Variants in FOCAD observed in about 807,000 individuals in gnomAD.
FOCAD encodes KIAA1797.
In FOCAD, 198 loss-of-function variants were observed where a neutral mutation model predicts 225.6. The ratio of observed to expected loss-of-function variants is 0.88; its 90% CI spans 0.78 to 0.99. FOCAD has a LOEUF of 0.99. Ranked by LOEUF, FOCAD falls within the 50% of genes least tolerant of loss-of-function variation. The pLI is 0.00. For missense variants in FOCAD, 2,713 were observed against 2,123.6 expected (o/e 1.28, Z -5.46); for synonymous variants, 897 against 755.0 (o/e 1.19, Z -3.08).
chr9:20,955,158 G>A (rs757938964), intron 35 of FOCAD, among the ~76,000 whole-genome samples: 17 of 152,160 alleles, frequency 1.1e-4, no homozygotes, highest in Non-Finnish European at 2.4e-4. Flanking sequence ...GCTTAGCATA[G>A]GCAGAAAAGT....
rs901404898 is a variant in FOCAD, at chr9:20,964,281, C to T, written c.4132+11216C>T. 2.6e-5 allele frequency among the ~76,000 whole-genome samples: 4 copies of T among 152,152 alleles called. No individual in the cohort carries two copies. In the South Asian group the frequency reaches 8.3e-4, roughly 32 times the overall value. Reference sequence around the variant, plus strand: ...ACTCAGGAGGCTGAGGCAGGAGAATCGCTTGAGCCTGGGTGGCGGAGTGAG... The same window carrying T: ...ACTCAGGAGGCTGAGGCAGGAGAATTGCTTGAGCCTGGGTGGCGGAGTGAG... On this transcript the variant is annotated intron_variant, in intron 35 of 43. Coordinates refer to ENST00000338382, the MANE Select transcript of FOCAD (RefSeq NM_001375567.1).
intron 25 of FOCAD, among the ~76,000 whole-genome samples, chr9:20,924,809 C>A (rs1834788372): frequency 6.6e-6 from 1 of 152,106 alleles, no homozygotes; most frequent in South Asian, 2.1e-4. Flanking sequence ...GTTGGGTAGT[C>A]CAGGCAACAG....
At chr9:20,682,457 A>G (rs1420290769), upstream of FOCAD, among the ~76,000 whole-genome samples, 1 of 152,214 alleles carries the variant, frequency 6.6e-6, no homozygotes, top group African/African-American at 2.4e-5. Context: ...GCTGTACTTC[A>G]GGTTCCTTAT....
chr9:20,770,184 T>C lies in FOCAD; in HGVS notation c.852T>C (p.Gly284=). 2 of 1,614,068 alleles carry C rather than the reference T, an allele frequency of 1.2e-6. No homozygotes were observed. The highest frequency in any genetic ancestry group is 8.5e-7 in the Non-Finnish European group (1 of 1,179,994). Residue 284 remains glycine (G), a synonymous_variant, in exon 8 of 44, where the codon GGT becomes GGC. Coordinates refer to ENST00000338382, the MANE Select transcript of FOCAD (RefSeq NM_001375567.1). ...CVSEVSLKIT[G]ECSSSIHLLE... is the part of the protein sequence containing the mutation. ...GTGAAGTCAGCTTAAAGATAACTGG[T>C]GAATGTTCATCTTCAATTCACCTTT... is the stretch of plus-strand genomic sequence containing the variant.
intron 11 of FOCAD, among the ~76,000 whole-genome samples, chr9:20,812,621 G>A (rs1823212121): frequency 6.6e-6 from 1 of 151,952 alleles, no homozygotes; most frequent in Non-Finnish European, 1.5e-5. Context: ...AATTTATGGG[G>A]TGAAGACTTG....
rs2131371095 is a variant in FOCAD, at chr9:20,814,351, T to C, written c.1456-5445T>C. ...TTCATCACTCATTTTCTTTTCTTTTTTCTTTTTTTCTTTTTTTTTTCTGAG... is the reference window on the plus strand; with the variant it reads ...TTCATCACTCATTTTCTTTTCTTTTCTCTTTTTTTCTTTTTTTTTTCTGAG... On this transcript the variant is annotated intron_variant, in intron 11 of 43. Coordinates refer to ENST00000338382, the MANE Select transcript of FOCAD (RefSeq NM_001375567.1). Among the ~76,000 whole-genome samples the C allele has an allele frequency of 1.3e-5, 2 of 152,166 alleles. 1 individual carries two copies. Among genetic ancestry groups the C allele is most frequent in the South Asian group, 4.1e-4 (2 of 4,822 alleles).
At chr9:20,776,040 C>A (rs77902656) in intron 8 of FOCAD, among the ~76,000 whole-genome samples, 1 of 152,014 alleles carries the variant, frequency 6.6e-6, no homozygotes, top group Non-Finnish European at 1.5e-5. Flanking sequence ...ACAATGTGAT[C>A]CCAGCAAGCA....
intron 8 of FOCAD, among the ~76,000 whole-genome samples, chr9:20,774,132 G>A (rs578111342): frequency 4.6e-5 from 7 of 152,226 alleles, no homozygotes; most frequent in Admixed American, 2.0e-4. Context: ...GTTTCATCCC[G>A]AAACCATTCC....
intron 35 of FOCAD, among the ~76,000 whole-genome samples, chr9:20,972,058 G>A (rs892956858): frequency 1.3e-5 from 2 of 152,076 alleles, no homozygotes; most frequent in African/African-American, 4.8e-5. Context: ...CTATGAACAT[G>A]GGTTTGCAAG....
At chr9:20,719,467 G>T (rs878879133) in intron 3 of FOCAD, among the ~76,000 whole-genome samples, 4 of 151,662 alleles carry the variant, frequency 2.6e-5, no homozygotes, top group Non-Finnish European at 5.9e-5. Flanking sequence ...CTAATAAGTT[G>T]CATCAGGAAA....
intron 15 of FOCAD, among the ~76,000 whole-genome samples, chr9:20,854,643 A>G (rs1827987139): frequency 1.3e-5 from 2 of 151,772 alleles, no homozygotes; most frequent in Admixed American, 1.3e-4. Flanking sequence ...TTGCGGAAGA[A>G]TGACATGGGA....
chr9:20,927,451 A>G lies in FOCAD; in HGVS notation c.3078+1034A>G, dbSNP rs189321718. Reference sequence around the variant, plus strand: ...CCAACTTTCTAAAAAGATTGTGAAGATCAAATAATATACTTTATGTAAAAA... The same window carrying G: ...CCAACTTTCTAAAAAGATTGTGAAGGTCAAATAATATACTTTATGTAAAAA... On this transcript the variant is annotated intron_variant, in intron 26 of 43. Transcript: ENST00000338382. Among the ~76,000 whole-genome samples, 28 of 152,244 alleles carry G rather than the reference A, an allele frequency of 1.8e-4. No homozygotes were observed. The East Asian group carries it at 5.2e-3, about 28-fold the overall frequency.
chr9:20,739,230 A>G (rs1282494101), intron 4 of FOCAD, among the ~76,000 whole-genome samples: 2 of 152,260 alleles, frequency 1.3e-5, no homozygotes, highest in Non-Finnish European at 2.9e-5. Context: ...GTTCTGAAGT[A>G]AGTGACATAA....
At chr9:20,896,099 T>C (rs1302189698) in intron 21 of FOCAD, among the ~76,000 whole-genome samples, 1 of 151,962 alleles carries the variant, frequency 6.6e-6, no homozygotes, top group Non-Finnish European at 1.5e-5. Flanking sequence ...TCAAATGCTT[T>C]TTCTGCATCT....
At chr9:20,844,464 G>T (rs1056971752) in intron 15 of FOCAD, among the ~76,000 whole-genome samples, 1 of 142,384 alleles carries the variant, frequency 7.0e-6, no homozygotes, top group Non-Finnish European at 1.5e-5. Flanking sequence ...AAGTTTAAGC[G>T]ATTCTCCTGC....
At chr9:20,752,980 G>T (rs1000511736) in intron 5 of FOCAD, among the ~76,000 whole-genome samples, 1 of 150,554 alleles carries the variant, frequency 6.6e-6, no homozygotes, top group African/African-American at 2.4e-5. Context: ...TGGTGTATAA[G>T]AATGCTTGTG....
intron 2 of FOCAD, among the ~76,000 whole-genome samples, chr9:20,660,705 G>A (rs1821689873): frequency 6.6e-6 from 1 of 152,198 alleles, no homozygotes; most frequent in Non-Finnish European, 1.5e-5. Flanking sequence ...ACTCAGAAAA[G>A]TGTTCACTGG....
chr9:20,744,251 T>G (rs1827864619), intron 5 of FOCAD, among the ~76,000 whole-genome samples: 1 of 151,818 alleles, frequency 6.6e-6, no homozygotes, highest in African/African-American at 2.4e-5. Context: ...ATCTTTGGAG[T>G]TTTTAATGTT....
chr9:20,969,991 G>GTTTT (rs60438771), intron 35 of FOCAD, among the ~76,000 whole-genome samples: 4 of 146,718 alleles, frequency 2.7e-5, no homozygotes, highest in Non-Finnish European at 3.0e-5. Flanking sequence ...TTCGATGACA[G>GTTTT]TTTTTTTTTT....
Sources: gnomAD v4.1 joint callset for allele counts (sites outside exome capture counted in the v4.1 genomes callset) on GRCh38, gnomAD v4.1.1 for gene constraint, MANE v1.5 for transcripts, NCBI Gene and HGNC (gene_info 2026-07-23, HGNC 2026-07-21) for gene names.